The following CSMD1 variants were observed in gnomAD, a reference collection of about 807,000 sequenced individuals.
CSMD1 encodes CUB and Sushi multiple domains 1.
CSMD1 carries 213 observed loss-of-function variants against 417.5 expected under a neutral mutation model. That is an observed-to-expected ratio of 0.51 (90% CI 0.46 to 0.57). CSMD1 has a LOEUF of 0.57. CSMD1 is among the 20% of genes least tolerant of loss of function. CSMD1 has a pLI of 0.00. For synonymous variants in CSMD1, 2,862 were observed against 1,736.8 expected, an observed-to-expected ratio of 1.65 and a Z score of -16.11; for missense variants, 6,923 against 4,529.7, an observed-to-expected ratio of 1.53 and a Z score of -15.17.
intron 10 of CSMD1, among the ~76,000 whole-genome samples, chr8:3,523,066 T>C (rs1797577079): frequency 6.6e-6 from 1 of 150,690 alleles, no homozygotes; most frequent in South Asian, 2.1e-4. Flanking sequence ...GAGTTAAAAA[T>C]TGAATTCAGG....
At chr8:4,241,236 G>A (rs1184851115) in intron 3 of CSMD1, among the ~76,000 whole-genome samples, 3 of 152,108 alleles carry the variant, frequency 2.0e-5, no homozygotes, top group Non-Finnish European at 2.9e-5. Flanking sequence ...AATAGAATTT[G>A]ACACCCTTCA....
chr8:3,773,378 G>C (rs756650803), intron 5 of CSMD1, among the ~76,000 whole-genome samples: 2 of 152,126 alleles, frequency 1.3e-5, no homozygotes, highest in South Asian at 2.1e-4. Flanking sequence ...CGACTACAGT[G>C]AAGGCTCAAG....
chr8:3,404,409 G>C (rs145155189), intron 15 of CSMD1, among the ~76,000 whole-genome samples: 1 of 151,878 alleles, frequency 6.6e-6, no homozygotes, highest in Non-Finnish European at 1.5e-5. Context: ...GTGGGACCAG[G>C]GCAGGATGAG....
chr8:4,555,541 T>C (rs1438536443), intron 2 of CSMD1, among the ~76,000 whole-genome samples: 1 of 152,184 alleles, frequency 6.6e-6, no homozygotes, highest in Non-Finnish European at 1.5e-5. Context: ...TCCCAGTTCC[T>C]TTTTCCTGTT....
chr8:4,982,932 T>C (rs1810978781), intron 1 of CSMD1, among the ~76,000 whole-genome samples: 3 of 152,322 alleles, frequency 2.0e-5, no homozygotes, highest in South Asian at 2.1e-4. Flanking sequence ...CTTTGTTCCA[T>C]AATCCTCTAA....
intron 1 of CSMD1, among the ~76,000 whole-genome samples, chr8:4,849,932 A>G (rs1412577045): frequency 6.6e-6 from 1 of 152,200 alleles, no homozygotes; most frequent in Non-Finnish European, 1.5e-5. Flanking sequence ...CTATGTTTAA[A>G]CATTTCAGGA....
chr8:3,309,858 G>A (rs915519716), intron 23 of CSMD1, among the ~76,000 whole-genome samples: 3 of 152,160 alleles, frequency 2.0e-5, no homozygotes, highest in African/African-American at 7.2e-5. Context: ...ATTGAGATTT[G>A]CAGCTTTGTA....
At chr8:3,179,112 A>T (rs1563115459) in intron 37 of CSMD1, among the ~76,000 whole-genome samples, 1 of 151,108 alleles carries the variant, frequency 6.6e-6, no homozygotes, top group African/African-American at 2.4e-5. Flanking sequence ...CGCCTGGCTA[A>T]TTCTTTGTAT....
At chr8:3,647,563 G>A (rs1253801263) in intron 7 of CSMD1, among the ~76,000 whole-genome samples, 2 of 152,144 alleles carry the variant, frequency 1.3e-5, no homozygotes, top group African/African-American at 4.8e-5. Context: ...AGCATAAAGA[G>A]AAATACGGCA....
intron 3 of CSMD1, among the ~76,000 whole-genome samples, chr8:4,060,741 C>A (rs1417129252): frequency 2.0e-5 from 3 of 152,100 alleles, no homozygotes; most frequent in Non-Finnish European, 4.4e-5. Context: ...CAAAGCATCA[C>A]AGCTATTCAT....
chr8:4,907,302 A>C (rs1477513040), intron 1 of CSMD1, among the ~76,000 whole-genome samples: 4 of 152,166 alleles, frequency 2.6e-5, no homozygotes, highest in Non-Finnish European at 5.9e-5. Context: ...TTCTACTATA[A>C]AAGCCAAAAG....
chr8:4,220,235 G>C (rs984146545), intron 3 of CSMD1, among the ~76,000 whole-genome samples: 1 of 152,200 alleles, frequency 6.6e-6, no homozygotes, highest in Non-Finnish European at 1.5e-5. Flanking sequence ...AGAGGCGTGA[G>C]CCACCATGCC....
At chr8:3,953,384 T>C (rs1286689113) in intron 5 of CSMD1, among the ~76,000 whole-genome samples, 1 of 152,200 alleles carries the variant, frequency 6.6e-6, no homozygotes, top group Non-Finnish European at 1.5e-5. Flanking sequence ...GGTGTTTATA[T>C]ATACTTAGAT....
At chr8:4,177,483 G>T (rs1200374003) in intron 3 of CSMD1, among the ~76,000 whole-genome samples, 1 of 152,112 alleles carries the variant, frequency 6.6e-6, no homozygotes, top group East Asian at 1.9e-4. Context: ...AAGTAGGAAA[G>T]ATCCAAAATT....
intron 5 of CSMD1, among the ~76,000 whole-genome samples, chr8:3,825,160 A>G (rs890578300): frequency 6.6e-6 from 1 of 152,104 alleles, no homozygotes; most frequent in African/African-American, 2.4e-5. Flanking sequence ...TCTCTTTCCC[A>G]GAAGCTGTAG....
intron 18 of CSMD1, among the ~76,000 whole-genome samples, chr8:3,376,107 T>A (rs991721899): frequency 6.6e-6 from 1 of 152,192 alleles, no homozygotes; most frequent in South Asian, 2.1e-4. Context: ...GATTTTAAAC[T>A]TCTGTGTGAT....
At chr8:4,302,575 C>T (rs1400264194) in intron 3 of CSMD1, among the ~76,000 whole-genome samples, 1 of 152,116 alleles carries the variant, frequency 6.6e-6, no homozygotes, top group Admixed American at 6.6e-5. Context: ...CTCTCTCAAC[C>T]CTATACGATA....
intron 12 of CSMD1, among the ~76,000 whole-genome samples, chr8:3,464,074 C>A (rs1223902682): frequency 6.6e-6 from 1 of 152,196 alleles, no homozygotes; most frequent in Non-Finnish European, 1.5e-5. Context: ...CTTGTTTTGA[C>A]TATACAGCAG....
chr8:3,536,951 G>T (rs1481497521), intron 10 of CSMD1, among the ~76,000 whole-genome samples: 1 of 152,064 alleles, frequency 6.6e-6, no homozygotes, highest in Non-Finnish European at 1.5e-5. Context: ...GTATTTACTG[G>T]GAGCTTTCAC....
Sources: allele counts gnomAD v4.1 joint callset (sites outside exome capture counted in the v4.1 genomes callset), GRCh38; gene constraint gnomAD v4.1.1; transcripts MANE v1.5; gene names NCBI Gene and HGNC (gene_info 2026-07-23, HGNC 2026-07-21).